RPS6KC1: variants seen among roughly 807,000 people sequenced by gnomAD.
The protein encoded by RPS6KC1 is inactive ribosomal protein S6 kinase delta-1.
In RPS6KC1, 54 loss-of-function variants were observed where a neutral mutation model predicts 103.8. The ratio of observed to expected loss-of-function variants is 0.52; its 90% CI spans 0.42 to 0.65. The LOEUF (loss-of-function observed/expected upper bound fraction) is 0.65. RPS6KC1 is among the 30% of genes least tolerant of loss of function. The probability of loss-of-function intolerance (pLI) is 0.00; values close to 1 mark genes in which losing one functional copy is unlikely to be tolerated. For missense variants in RPS6KC1, 1,151 were observed against 1,253.8 expected, an observed-to-expected ratio of 0.92 and a Z score of 1.24; for synonymous variants, 439 against 438.7, an observed-to-expected ratio of 1.00 and a Z score of -0.01.
the RPS6KC1 span, among the ~76,000 whole-genome samples, chr1:213,375,890 G>A: frequency 1.3e-5 from 2 of 152,222 alleles, no homozygotes; most frequent in African/African-American, 4.8e-5. Context: ...AGACACATGG[G>A]CCCACAGCTG....
the RPS6KC1 span, among the ~76,000 whole-genome samples, chr1:213,539,645 C>T: frequency 2.0e-5 from 3 of 152,236 alleles, no homozygotes; most frequent in African/African-American, 4.8e-5. Flanking sequence ...TCTTGCACAA[C>T]ATGCCCAGCT....
chr1:213,569,785 C>T, the RPS6KC1 span, among the ~76,000 whole-genome samples: 1 of 152,120 alleles, frequency 6.6e-6, no homozygotes, highest in Non-Finnish European at 1.5e-5. Context: ...CCATCATTCC[C>T]TCACTTAATC....
the RPS6KC1 span, among the ~76,000 whole-genome samples, chr1:213,338,979 C>T: frequency 6.6e-6 from 1 of 152,116 alleles, no homozygotes; most frequent in African/African-American, 2.4e-5. Flanking sequence ...GATGACAGAC[C>T]AGGGCCAGGC....
chr1:213,476,212 C>T, the RPS6KC1 span, among the ~76,000 whole-genome samples: 12 of 152,122 alleles, frequency 7.9e-5, no homozygotes, highest in Admixed American at 7.8e-4. Context: ...CCGGTATTCC[C>T]CAGGAGGATC....
the RPS6KC1 span, among the ~76,000 whole-genome samples, chr1:213,505,812 C>T: frequency 6.6e-6 from 1 of 152,174 alleles, no homozygotes. Context: ...TTCTATCTAA[C>T]TGTGACTTGT....
the RPS6KC1 span, among the ~76,000 whole-genome samples, chr1:213,689,971 C>T: frequency 3.9e-5 from 6 of 152,176 alleles, no homozygotes; most frequent in Admixed American, 2.6e-4. Context: ...CCCCCTTTCT[C>T]TGCTCCAGCT....
chr1:213,773,811 G>T, the RPS6KC1 span, among the ~76,000 whole-genome samples: 1 of 152,208 alleles, frequency 6.6e-6, no homozygotes, highest in South Asian at 2.1e-4. Flanking sequence ...TTTACTTAAG[G>T]TCAACTGATT....
chr1:213,683,372 C>T, the RPS6KC1 span, among the ~76,000 whole-genome samples: 1 of 152,136 alleles, frequency 6.6e-6, no homozygotes, highest in African/African-American at 2.4e-5. Context: ...GATGGACAAA[C>T]TGCATTTGTC....
At chr1:213,178,779 A>G (rs2092064002) in intron 8 of RPS6KC1, among the ~76,000 whole-genome samples, 1 of 151,938 alleles carries the variant, frequency 6.6e-6, no homozygotes, top group South Asian at 2.1e-4. Context: ...CAATGGCACA[A>G]TCTTGGCTCA....
chr1:213,755,179 G>A, the RPS6KC1 span, among the ~76,000 whole-genome samples: 2 of 152,186 alleles, frequency 1.3e-5, no homozygotes, highest in African/African-American at 4.8e-5. Context: ...GCATGACCAA[G>A]CTAGCCTCTG....
the RPS6KC1 span, among the ~76,000 whole-genome samples, chr1:213,712,734 G>A: frequency 6.6e-6 from 1 of 152,172 alleles, no homozygotes; most frequent in Non-Finnish European, 1.5e-5. Flanking sequence ...CCTCACTGCA[G>A]GATCCCTCAC....
chr1:213,584,974 G>C, the RPS6KC1 span, among the ~76,000 whole-genome samples: 1 of 152,268 alleles, frequency 6.6e-6, no homozygotes, highest in South Asian at 2.1e-4. Context: ...AGTTTTCTTA[G>C]TATTAGGGCA....
At chr1:213,692,265 C>T in the RPS6KC1 span, among the ~76,000 whole-genome samples, 5 of 151,806 alleles carry the variant, frequency 3.3e-5, no homozygotes, top group East Asian at 1.9e-4. Context: ...CATGGTGGCA[C>T]GTGCCTGTAG....
chr1:213,856,406 T>C, the RPS6KC1 span, among the ~76,000 whole-genome samples: 1 of 152,108 alleles, frequency 6.6e-6, no homozygotes, highest in East Asian at 1.9e-4. Context: ...TAGTTTCATA[T>C]ATTTTCTTCC....
chr1:213,319,463 C>G, the RPS6KC1 span, among the ~76,000 whole-genome samples: 1 of 152,144 alleles, frequency 6.6e-6, no homozygotes, highest in Non-Finnish European at 1.5e-5. Context: ...AAGTCCTTAG[C>G]TTGATCCCTG....
At chr1:213,069,053 G>A (rs1434772862) in intron 1 of RPS6KC1, among the ~76,000 whole-genome samples, 1 of 151,914 alleles carries the variant, frequency 6.6e-6, no homozygotes, top group Non-Finnish European at 1.5e-5. Flanking sequence ...GTGAGACCCT[G>A]TCTCTTTAAT....
chr1:213,503,455 A>G, the RPS6KC1 span, among the ~76,000 whole-genome samples: 1 of 152,192 alleles, frequency 6.6e-6, no homozygotes, highest in Non-Finnish European at 1.5e-5. Flanking sequence ...ATTCCCCTTC[A>G]GCAGGGGCTC....
chr1:213,494,203 T>A, the RPS6KC1 span, among the ~76,000 whole-genome samples: 62 of 152,230 alleles, frequency 4.1e-4, no homozygotes, highest in East Asian at 0.011. Flanking sequence ...AATCAATTCA[T>A]CATGTCTTTT....
chr1:213,340,020 G>A, the RPS6KC1 span, among the ~76,000 whole-genome samples: 1 of 152,106 alleles, frequency 6.6e-6, no homozygotes, highest in Non-Finnish European at 1.5e-5. Flanking sequence ...AGCCTCCCGA[G>A]TAGCTGGGAT....
Sources: gnomAD v4.1 joint callset for allele counts (sites outside exome capture counted in the v4.1 genomes callset) on GRCh38, gnomAD v4.1.1 for gene constraint, MANE v1.5 for transcripts, NCBI Gene and HGNC (gene_info 2026-07-23, HGNC 2026-07-21) for gene names.